CSMD1: variants seen among roughly 807,000 people sequenced by gnomAD.
CSMD1 encodes the protein CUB and Sushi multiple domains 1, also known as CUB and sushi domain-containing protein 1.
A neutral mutation model predicts 417.5 loss-of-function variants in CSMD1; 213 were observed. The observed-to-expected ratio is 0.51, with a 90% CI of 0.46 to 0.57. The LOEUF is 0.57. CSMD1 is among the 20% of genes least tolerant of loss of function. The pLI, the probability that CSMD1 is intolerant of heterozygous loss-of-function variation, is 0.00. For missense variants in CSMD1, 6,923 were observed against 4,529.7 expected, an observed-to-expected ratio of 1.53 and a Z score of -15.17; for synonymous variants, 2,862 against 1,736.8, an observed-to-expected ratio of 1.65 and a Z score of -16.11.
chr8:3,029,297 G>A, intron 51 of CSMD1, 22 bp downstream of exon 51: 1 of 1,567,290 alleles, frequency 6.4e-7, no homozygotes, highest in Non-Finnish European at 8.7e-7. Context: ...TGACTTTCAG[G>A]GGTGCCTCCC....
At chr8:3,423,525 C>T (rs755539537) in intron 12 of CSMD1, among the ~76,000 whole-genome samples, 1 of 152,118 alleles carries the variant, frequency 6.6e-6, no homozygotes, top group Admixed American at 6.5e-5. Flanking sequence ...CTTTTTGTTG[C>T]TCAATGGTCC....
rs141347476 is a variant in CSMD1 at position 4,536,895 on chromosome 8, C to T, written c.302+100447G>A. 3.3e-5 allele frequency among the ~76,000 whole-genome samples: 5 copies of T among 152,220 alleles called. No homozygotes were observed. In the East Asian group the frequency reaches 9.7e-4, roughly 29 times the overall value. On this transcript the variant is annotated intron_variant, in intron 2 of 69. Transcript: ENST00000635120. ...ATCAGAGTGCCAGTTTCTCCAGACT[C>T]TCAGGGAGAAATTGTAAAACTGTGT...
intron 1 of CSMD1, among the ~76,000 whole-genome samples, chr8:4,905,436 T>C (rs1380928132): frequency 6.6e-6 from 1 of 152,122 alleles, no homozygotes; most frequent in African/African-American, 2.4e-5. Flanking sequence ...CATGTACACA[T>C]AGTAAAAGAC....
chr8:4,348,659 G>A (rs936488135), intron 3 of CSMD1, among the ~76,000 whole-genome samples: 4 of 150,348 alleles, frequency 2.7e-5, no homozygotes, highest in Admixed American at 6.6e-5. Flanking sequence ...GAGAGAGAGA[G>A]AGAGAGAGAG....
At chr8:4,324,776 C>T (rs1181271875) in intron 3 of CSMD1, among the ~76,000 whole-genome samples, 2 of 152,158 alleles carry the variant, frequency 1.3e-5, no homozygotes, top group South Asian at 2.1e-4. Flanking sequence ...AAACAAACAT[C>T]GAAAGTGTGT....
chr8:3,606,312 C>G (rs545801636), intron 8 of CSMD1, among the ~76,000 whole-genome samples: 2 of 152,102 alleles, frequency 1.3e-5, no homozygotes, highest in Non-Finnish European at 2.9e-5. Flanking sequence ...GATGGTGTAG[C>G]CTGATACACA....
At chr8:3,937,493 G>T (rs113099598) in intron 5 of CSMD1, among the ~76,000 whole-genome samples, 1 of 152,124 alleles carries the variant, frequency 6.6e-6, no homozygotes, top group African/African-American at 2.4e-5. Context: ...GCAAAAAGAT[G>T]ATGAGTCATT....
chr8:3,396,354 G>A lies in CSMD1; in HGVS notation c.2433C>T (p.Thr811=), dbSNP rs1811698627. 1.2e-6 allele frequency: 2 copies of A among 1,600,898 alleles called. No homozygotes were observed. Among genetic ancestry groups the A allele is most frequent in the Non-Finnish European group, 1.7e-6 (2 of 1,173,648 alleles). ...TGGCTGGCCCATCTCTGACCTCCAA[G>A]GTGTCATAATTGACCTCTGTCTGAA... ...DRFQTEVNYD[T]LEVRDGPASS... Residue 811 remains threonine, a synonymous_variant, in exon 17 of 70, where the codon ACC becomes ACT. Coordinates refer to ENST00000635120, the MANE Select transcript of CSMD1 (RefSeq NM_033225.6).
intron 5 of CSMD1, among the ~76,000 whole-genome samples, chr8:3,779,697 C>T (rs1197909832): frequency 6.6e-6 from 1 of 152,036 alleles, no homozygotes; most frequent in Non-Finnish European, 1.5e-5. Context: ...AGATACAACA[C>T]TATCTAGCGC....
intron 1 of CSMD1, chr8:4,787,522 A>G: frequency 9.0e-7 from 1 of 1,116,410 alleles, no homozygotes; most frequent in South Asian, 1.3e-5. Context: ...TATTATAGGA[A>G]GCAGGTATTA....
At chr8:3,978,014 G>A (rs1219295580) in intron 5 of CSMD1, among the ~76,000 whole-genome samples, 1 of 152,160 alleles carries the variant, frequency 6.6e-6, no homozygotes, top group African/African-American at 2.4e-5. Flanking sequence ...CTCTTACTCA[G>A]ATGGACACTT....
At chr8:4,734,530 T>A (rs1810101136) in intron 1 of CSMD1, among the ~76,000 whole-genome samples, 1 of 152,206 alleles carries the variant, frequency 6.6e-6, no homozygotes. Context: ...GTTGAAGATT[T>A]AGAAACGTAT....
intron 9 of CSMD1, 111 bp from the exon 10 acceptor site, chr8:3,575,177 A>AG (rs1800099436): frequency 8.7e-7 from 1 of 1,154,224 alleles, no homozygotes; most frequent in African/African-American, 1.6e-5. Flanking sequence ...CAGTAAAAAA[A>AG]AAAAAAAAAA....
At chr8:4,940,436 C>T (rs1043293535) in intron 1 of CSMD1, among the ~76,000 whole-genome samples, 9 of 152,098 alleles carry the variant, frequency 5.9e-5, no homozygotes, top group Admixed American at 5.9e-4. Context: ...TACTTTGATT[C>T]TCTTTAATTA....
intron 5 of CSMD1, among the ~76,000 whole-genome samples, chr8:3,816,225 G>A (rs948735583): frequency 6.6e-5 from 10 of 152,116 alleles, no homozygotes; most frequent in South Asian, 2.1e-4. Context: ...AGAAGGGCAC[G>A]TGTTATATTC....
At chr8:4,293,855 A>T (rs538509796) in intron 3 of CSMD1, among the ~76,000 whole-genome samples, 1 of 152,192 alleles carries the variant, frequency 6.6e-6, no homozygotes, top group African/African-American at 2.4e-5. Flanking sequence ...CTGTTCTACT[A>T]GTTTTTGACT....
intron 2 of CSMD1, among the ~76,000 whole-genome samples, chr8:4,535,794 A>T (rs541374030): frequency 1.3e-5 from 2 of 152,198 alleles, no homozygotes; most frequent in Non-Finnish European, 2.9e-5. Flanking sequence ...CAGTGGAGCT[A>T]TAAAAATATT....
intron 5 of CSMD1, among the ~76,000 whole-genome samples, chr8:3,842,986 C>G (rs1489946988): frequency 6.6e-6 from 1 of 152,116 alleles, no homozygotes; most frequent in African/African-American, 2.4e-5. Flanking sequence ...GTTTAGTTTG[C>G]TCAGTTTGAT....
intron 51 of CSMD1, among the ~76,000 whole-genome samples, chr8:3,027,931 A>G (rs1258562763): frequency 1.3e-5 from 2 of 152,212 alleles, no homozygotes; most frequent in Non-Finnish European, 2.9e-5. Context: ...CTTAAGGAGA[A>G]GGCTCTCCAC....
Sources: allele counts gnomAD v4.1 joint callset (sites outside exome capture counted in the v4.1 genomes callset), GRCh38; gene constraint gnomAD v4.1.1; transcripts MANE v1.5; gene names NCBI Gene and HGNC (gene_info 2026-07-23, HGNC 2026-07-21).